Variants in ARF3 observed in about 807,000 individuals in gnomAD.
ARF3 encodes ADP-ribosylation factor 3.
Under a neutral mutation model 19.3 loss-of-function variants are expected in ARF3, and 5 were observed. The observed-to-expected ratio is 0.26, with a 90% CI of 0.14 to 0.54. ARF3 has a LOEUF of 0.54. Among genes scored for constraint, ARF3 ranks in the 20% least tolerant of loss-of-function variants. ARF3 has a pLI of 0.95. For missense variants in ARF3, 77 were observed against 234.2 expected (o/e 0.33, Z 4.38); for synonymous variants, 71 against 89.2 (o/e 0.80, Z 1.15).
intron 1 of ARF3, among the ~76,000 whole-genome samples, chr12:48,952,243 G>A (rs564407622): frequency 1.9e-4 from 29 of 152,274 alleles, no homozygotes; most frequent in Middle Eastern, 3.4e-3. Flanking sequence ...ATCCCGAACC[G>A]CCCTGTCTGA....
At chr12:48,957,239 T>TATCTCCTCAGCCCTCA (rs1279129325) in intron 1 of ARF3, 71 bp downstream of exon 1, 1 of 152,378 alleles carries the variant, frequency 6.6e-6, no homozygotes, top group Non-Finnish European at 1.5e-5. Flanking sequence ...GGAGGCGCTC[T>TATCTCCTCAGCCCTCA]ATCTCCTCAG....
At position 48,939,801 on chromosome 12, in the gene ARF3, T is replaced by G; in HGVS notation, c.260-22A>C. On this transcript the variant is annotated intron_variant, in intron 3 of 4. Coordinates refer to ENST00000256682, the MANE Select transcript of ARF3 (RefSeq NM_001659.3). This position sits in a 1 kb window ranked among gnomAD's most constrained non-coding sequence, Gnocchi z 4.8. ...AACCCTAGGAAGGCAGAGCATGGGCTGCACTAAGATGACAGGTAACCCCCT... is the reference window on the plus strand; with the variant it reads ...AACCCTAGGAAGGCAGAGCATGGGCGGCACTAAGATGACAGGTAACCCCCT... 2.5e-6 allele frequency: 4 copies of G among 1,613,542 alleles called. No homozygotes were observed. The highest frequency in any genetic ancestry group is 1.3e-5 in the African/African-American group (1 of 75,022).
Position 48,939,587 on chromosome 12 carries a change from C to G in ARF3, c.384+68G>C. ...CTAAAAGGGTTAACCATATAATAGG[C>G]CCAAGAGCCAACAATTTCCACAGCC... On this transcript the variant is annotated intron_variant, in intron 4 of 4. Coordinates refer to ENST00000256682, the MANE Select transcript of ARF3 (RefSeq NM_001659.3). This position sits in a 1 kb window ranked among gnomAD's most constrained non-coding sequence, Gnocchi z 4.8. The G allele has an allele frequency of 3.7e-6, 6 of 1,607,810 alleles. No homozygotes were observed. The highest frequency in any genetic ancestry group is 5.1e-6 in the Non-Finnish European group (6 of 1,175,628).
At chr12:48,941,858 G>A (rs975938861) in intron 1 of ARF3, among the ~76,000 whole-genome samples, 3 of 152,230 alleles carry the variant, frequency 2.0e-5, no homozygotes, top group African/African-American at 7.2e-5. Context: ...TGGCAGTAGA[G>A]AGGTGGGGTA....
At chr12:48,950,717 CTA>C (rs1940451152) in intron 1 of ARF3, among the ~76,000 whole-genome samples, 1 of 152,114 alleles carries the variant, frequency 6.6e-6, no homozygotes, top group South Asian at 2.1e-4. Flanking sequence ...TCTCCTGTCT[CTA>C]TGAATCTGTT....
chr12:48,948,285 A>T (rs200294621), intron 1 of ARF3, among the ~76,000 whole-genome samples: 13 of 120,662 alleles, frequency 1.1e-4, no homozygotes, highest in East Asian at 1.0e-3. Flanking sequence ...TTTTTTTTTT[A>T]AAGAGATGAG....
intron 2 of ARF3, 21 bp downstream of exon 2, chr12:48,940,927 A>G (rs201495766): frequency 6.5e-7 from 1 of 1,547,222 alleles, no homozygotes; most frequent in Admixed American, 1.9e-5. Flanking sequence ...GTGAAAGCCC[A>G]CATCCAAGCT....
rs1219393517 is a variant in ARF3 at position 48,939,234 on chromosome 12, C to G, written c.385-126G>C. The stretch of plus-strand genomic sequence containing the variant: ...CTCCTTTATTTTAGGAAACCCAGAA[C>G]AAGATCCTAAGGAGCTACTTTGGAT... On this transcript the variant is annotated intron_variant, in intron 4 of 4. Transcript: ENST00000256682. The surrounding 1 kb of genome is among the most constrained non-coding windows in gnomAD (Gnocchi z 4.8). 3 of 1,129,286 alleles carry G rather than the reference C, an allele frequency of 2.7e-6. No homozygotes were observed. Among genetic ancestry groups the G allele is most frequent in the African/African-American group, 1.6e-5 (1 of 63,936 alleles). 70.0% of individuals were successfully genotyped at this position (1,129,286 alleles called of 1,614,324 possible).
chr12:48,947,360 G>A (rs1438914829), intron 1 of ARF3, among the ~76,000 whole-genome samples: 1 of 149,506 alleles, frequency 6.7e-6, no homozygotes, highest in Non-Finnish European at 1.5e-5. Flanking sequence ...AGGCTGGGGT[G>A]CAGTGGCGCA....
At chr12:48,946,966 C>A (rs1485488431) in intron 1 of ARF3, among the ~76,000 whole-genome samples, 1 of 152,208 alleles carries the variant, frequency 6.6e-6, no homozygotes, top group East Asian at 1.9e-4. Context: ...GAAGGAAGAC[C>A]AGGGTCTCCC....
In ARF3 at chr12:48,939,819, A is replaced by G. The variant is rs1288115577; in HGVS notation, c.260-40T>C. The G allele has an allele frequency of 1.2e-6, 2 of 1,611,850 alleles. No homozygotes were observed. The highest frequency in any genetic ancestry group is 1.3e-5 in the African/African-American group (1 of 74,850). ...CATGGGCTGCACTAAGATGACAGGT[A>G]ACCCCCTCCCCCCAACCAAAAGACC... On this transcript the variant is annotated intron_variant, in intron 3 of 4. Coordinates refer to ENST00000256682, the MANE Select transcript of ARF3 (RefSeq NM_001659.3). This position sits in a 1 kb window ranked among gnomAD's most constrained non-coding sequence, Gnocchi z 4.8.
chr12:48,953,756 T>C (rs749807406), intron 1 of ARF3, among the ~76,000 whole-genome samples: 1 of 152,242 alleles, frequency 6.6e-6, no homozygotes, highest in Non-Finnish European at 1.5e-5. Flanking sequence ...TAGTCAGTTC[T>C]TTACCAGACT....
intron 1 of ARF3, among the ~76,000 whole-genome samples, chr12:48,945,087 C>T (rs1227496833): frequency 7.0e-6 from 1 of 143,596 alleles, no homozygotes; most frequent in African/African-American, 2.6e-5. Flanking sequence ...TTACAGTGAG[C>T]TGAGATCATG....
chr12:48,942,613 T>C (rs1284518166), intron 1 of ARF3, among the ~76,000 whole-genome samples: 2 of 152,212 alleles, frequency 1.3e-5, no homozygotes. Context: ...ACATTATATA[T>C]TTATTTCTTG....
intron 1 of ARF3, among the ~76,000 whole-genome samples, chr12:48,947,657 G>A (rs747035755): frequency 1.4e-4 from 22 of 152,280 alleles, no homozygotes; most frequent in Non-Finnish European, 2.6e-4. Flanking sequence ...CAGAGAGGGA[G>A]ACAGTTTCTG....
intron 2 of ARF3, 139 bp downstream of exon 2, chr12:48,940,806 AAAC>A (rs1437657372): frequency 8.7e-7 from 1 of 1,156,068 alleles, no homozygotes; most frequent in African/African-American, 1.6e-5. Flanking sequence ...GTAGTAAGCT[AAAC>A]AACACCACCC....
At position 48,938,291 on chromosome 12, in the gene ARF3, CAA is replaced by C. The variant is rs1940184977; in HGVS notation, c.*654_*655del. On this transcript the variant is annotated 3_prime_UTR_variant, in exon 5 of 5. Coordinates refer to ENST00000256682, the MANE Select transcript of ARF3 (RefSeq NM_001659.3). ...ACCTGCAGAGAGGAGGGTAACCAGT[CAA>C]AGACTGGGGCAGTCCGGCTTGACTA... 2.3e-6 allele frequency: 1 copy of C among 431,404 alleles called. No homozygotes were observed. Among genetic ancestry groups the C allele is most frequent in the Non-Finnish European group, 4.7e-6 (1 of 212,650 alleles). The allele number at this position is 431,404 out of a possible 1,614,324, so 26.7% of individuals were successfully genotyped here.
rs1365375919 is a variant in ARF3 at position 48,938,198 on chromosome 12, TGGAG to T, written c.*745_*748del. The T allele has an allele frequency of 2.9e-6, 1 of 348,844 alleles. No individual in the cohort carries two copies. Among genetic ancestry groups the T allele is most frequent in the Admixed American group, 3.7e-5 (1 of 27,028 alleles). The allele number at this position is 348,844 out of a possible 1,614,324, so 21.6% of individuals were successfully genotyped here. A position where few individuals can be genotyped will look rare whatever the true frequency, so the allele number is the denominator to read the frequency against. On this transcript the variant is annotated 3_prime_UTR_variant, in exon 5 of 5. Coordinates refer to ENST00000256682, the MANE Select transcript of ARF3 (RefSeq NM_001659.3). ...TGCCATCCTCCAGCCCTAAGAAGGG[TGGAG>T]AGAAGAGTACAAGGAAAATGGTGGT...
chr12:48,947,659 C>CA (rs1940383143), intron 1 of ARF3, among the ~76,000 whole-genome samples: 2 of 152,158 alleles, frequency 1.3e-5, no homozygotes, highest in Non-Finnish European at 2.9e-5. Flanking sequence ...GAGAGGGAGA[C>CA]AGTTTCTGCC....
Sources: allele counts gnomAD v4.1 joint callset (sites outside exome capture counted in the v4.1 genomes callset), GRCh38; gene constraint gnomAD v4.1.1; non-coding constraint Gnocchi (gnomAD v3.1); transcripts MANE v1.5; gene names NCBI Gene and HGNC (gene_info 2026-07-23, HGNC 2026-07-21).